Variants in ITGAL observed in about 807,000 individuals in gnomAD.
The protein encoded by ITGAL is integrin alpha-L.
Under a neutral mutation model 138.4 loss-of-function variants are expected in ITGAL, and 68 were observed. That is an observed-to-expected ratio of 0.49 (90% confidence interval 0.40 to 0.60). The LOEUF is 0.60. Ranked by LOEUF, ITGAL falls within the 20% of genes least tolerant of loss-of-function variation. ITGAL has a pLI of 0.00. For missense variants in ITGAL, 1,256 were observed against 1,478.6 expected, an observed-to-expected ratio of 0.85 and a Z score of 2.47; for synonymous variants, 561 against 584.3, an observed-to-expected ratio of 0.96 and a Z score of 0.57.
At chr16:30,515,584 A>G (rs1241831035) in intron 25 of ITGAL, among the ~76,000 whole-genome samples, 2 of 151,716 alleles carry the variant, frequency 1.3e-5, no homozygotes, top group East Asian at 1.9e-4. Context: ...CTTCCCAGGC[A>G]CCCTCCTTCC....
At chr16:30,519,257 C>T (rs973739133) in intron 29 of ITGAL, among the ~76,000 whole-genome samples, 1 of 151,978 alleles carries the variant, frequency 6.6e-6, no homozygotes, top group Non-Finnish European at 1.5e-5. Context: ...TGGTGGTTCA[C>T]GCCTGTACTC....
intron 18 of ITGAL, among the ~76,000 whole-genome samples, chr16:30,504,720 A>G (rs1008911503): frequency 3.3e-5 from 5 of 151,056 alleles, no homozygotes; most frequent in East Asian, 2.0e-4. Context: ...AAGAAGAAAA[A>G]AAAAAAAAAG....
intron 11 of ITGAL, among the ~76,000 whole-genome samples, chr16:30,490,575 C>T (rs1007641454): frequency 3.9e-5 from 6 of 152,196 alleles, no homozygotes; most frequent in East Asian, 3.8e-4. Flanking sequence ...CATCCAGTGC[C>T]TACTCCCTCT....
intron 15 of ITGAL, among the ~76,000 whole-genome samples, chr16:30,498,136 C>T (rs1382210272): frequency 2.6e-5 from 4 of 151,550 alleles, no homozygotes; most frequent in Non-Finnish European, 5.9e-5. Context: ...ACCAGCCTGG[C>T]CAACCTGTTG....
intron 2 of ITGAL, 112 bp from the exon 3 acceptor site, chr16:30,475,194 A>T: frequency 1.3e-6 from 1 of 788,522 alleles, no homozygotes; most frequent in Non-Finnish European, 2.1e-6. Flanking sequence ...TTGAAGGGGA[A>T]TGGCTGCAGT....
chr16:30,510,278 G>A (rs1339926280), intron 21 of ITGAL, 83 bp from the exon 22 acceptor site: 11 of 781,880 alleles, frequency 1.4e-5, no homozygotes, highest in Non-Finnish European at 2.3e-5. Flanking sequence ...GCCCCTGGGG[G>A]AGGTAGGCCA....
intron 4 of ITGAL, among the ~76,000 whole-genome samples, chr16:30,478,819 G>A (rs1273052581): frequency 6.6e-6 from 1 of 152,098 alleles, no homozygotes; most frequent in Non-Finnish European, 1.5e-5. Flanking sequence ...ACCTGGAAAT[G>A]TGGGGTCGTG....
intron 7 of ITGAL, among the ~76,000 whole-genome samples, chr16:30,482,659 T>C (rs965604424): frequency 5.3e-5 from 8 of 152,118 alleles, no homozygotes; most frequent in African/African-American, 2.4e-5. Context: ...AATAGGCCCA[T>C]GTCTGTGTGG....
At chr16:30,502,892 C>T (rs1463660861) in intron 17 of ITGAL, among the ~76,000 whole-genome samples, 1 of 151,490 alleles carries the variant, frequency 6.6e-6, no homozygotes, top group Non-Finnish European at 1.5e-5. Flanking sequence ...GGGCCCACTG[C>T]AGCCTCTGCC....
chr16:30,495,757 G>C (rs1333017494), intron 13 of ITGAL, among the ~76,000 whole-genome samples: 1 of 152,162 alleles, frequency 6.6e-6, no homozygotes, highest in Non-Finnish European at 1.5e-5. Context: ...GCTGAGGTGG[G>C]AGGATCGCTT....
chr16:30,522,491 G>A lies in ITGAL; in HGVS notation c.*826G>A, dbSNP rs1045979880. Reference sequence around the variant, plus strand: ...CCGGCAGCCTGGATGTTTTTTCCCTGTTTAATGATTGACGTACTTAGCAGC... The same window carrying A: ...CCGGCAGCCTGGATGTTTTTTCCCTATTTAATGATTGACGTACTTAGCAGC... On this transcript the variant is annotated 3_prime_UTR_variant, in exon 31 of 31. Coordinates refer to ENST00000356798, the MANE Select transcript of ITGAL (RefSeq NM_002209.3). The surrounding 1 kb of genome is among the most constrained non-coding windows in gnomAD (Gnocchi z 4.0). 1 of 152,174 alleles carries A rather than the reference G, an allele frequency of 6.6e-6. No homozygotes were observed. Among genetic ancestry groups the A allele is most frequent in the African/African-American group, 2.4e-5 (1 of 41,414 alleles). The allele number at this position is 152,174 out of a possible 1,614,324, so 9.4% of individuals were successfully genotyped here.
chr16:30,473,460 T>C (rs887049711), intron 1 of ITGAL, among the ~76,000 whole-genome samples: 1 of 152,122 alleles, frequency 6.6e-6, no homozygotes, highest in African/African-American at 2.4e-5. Context: ...AAAAGGCAGA[T>C]AGTTATTGAG....
chr16:30,520,239 G>A (rs984955682), intron 30 of ITGAL, among the ~76,000 whole-genome samples: 3 of 152,132 alleles, frequency 2.0e-5, no homozygotes, highest in Non-Finnish European at 2.9e-5. Flanking sequence ...TTCAAGACCC[G>A]CCTGGGCAAC....
intron 17 of ITGAL, among the ~76,000 whole-genome samples, chr16:30,501,855 A>AC (rs1160154100): frequency 6.6e-6 from 1 of 151,834 alleles, no homozygotes; most frequent in East Asian, 1.9e-4. Context: ...ACATAGCGAG[A>AC]CCCCTTCTCT....
At chr16:30,519,651 A>G (rs985385662) in intron 29 of ITGAL, 11 of 552,634 alleles carry the variant, frequency 2.0e-5, no homozygotes, top group African/African-American at 3.8e-5. Flanking sequence ...AAGCCATTGA[A>G]GGCCTAGGGC....
intron 21 of ITGAL, among the ~76,000 whole-genome samples, chr16:30,507,276 G>T (rs2051015973): frequency 6.6e-6 from 1 of 151,862 alleles, no homozygotes; most frequent in African/African-American, 2.4e-5. Flanking sequence ...TGGCTAACAC[G>T]GTGAAACCCC....
intron 9 of ITGAL, 50 bp from the exon 10 acceptor site, chr16:30,489,032 A>T: frequency 6.7e-7 from 1 of 1,497,854 alleles, no homozygotes; most frequent in Non-Finnish European, 9.3e-7. Context: ...AATTTTTTTC[A>T]CTGCATTTAC....
intron 25 of ITGAL, among the ~76,000 whole-genome samples, chr16:30,516,673 G>A (rs142059597): frequency 0.011 from 1,681 of 152,306 alleles, 14 homozygotes; most frequent in Middle Eastern, 0.034. Flanking sequence ...GAGCCCAGGA[G>A]GGGGAGCTGC....
intron 15 of ITGAL, among the ~76,000 whole-genome samples, chr16:30,497,717 G>T (rs1430953976): frequency 6.6e-6 from 1 of 151,750 alleles, no homozygotes; most frequent in Non-Finnish European, 1.5e-5. Context: ...GACCTCAAGG[G>T]ATCCGCCCGT....
Sources: gnomAD v4.1 joint callset for allele counts (sites outside exome capture counted in the v4.1 genomes callset) on GRCh38, gnomAD v4.1.1 for gene constraint, Gnocchi (gnomAD v3.1) non-coding constraint, MANE v1.5 for transcripts, NCBI Gene and HGNC (gene_info 2026-07-23, HGNC 2026-07-21) for gene names.